Variants in CABLES1 observed in about 807,000 individuals in gnomAD.
The protein encoded by CABLES1 is CDK5 and ABL1 enzyme substrate 1.
A neutral mutation model predicts 57.8 loss-of-function variants in CABLES1; 36 were observed. That is an observed-to-expected ratio of 0.62 (90% CI 0.48 to 0.82). The LOEUF (loss-of-function observed/expected upper bound fraction) is 0.82, where lower values mean the gene tolerates loss of function less well. CABLES1 is among the 40% of genes least tolerant of loss of function. The probability of loss-of-function intolerance (pLI) is 0.00; values close to 1 mark genes in which losing one functional copy is unlikely to be tolerated. For synonymous variants in CABLES1, 374 were observed against 363.0 expected (o/e 1.03, Z -0.35); for missense variants, 767 against 836.6 (o/e 0.92, Z 1.03).
intron 4 of CABLES1, among the ~76,000 whole-genome samples, chr18:23,217,940 T>C (rs2047454205): frequency 6.6e-6 from 1 of 152,204 alleles, no homozygotes; most frequent in Admixed American, 6.5e-5. Flanking sequence ...ACACCGGAAT[T>C]TGGGACCCGG....
intron 1 of CABLES1, chr18:23,155,956 A>C: frequency 6.2e-7 from 1 of 1,614,090 alleles, no homozygotes; most frequent in East Asian, 2.2e-5. Context: ...TTCCCATGTA[A>C]GTTGTCAGAG....
chr18:23,135,767 C>T lies in CABLES1; in HGVS notation c.5C>T (p.Ala2Val). 1.0e-6 allele frequency: 1 copy of T among 968,058 alleles called. No individual in the cohort carries two copies. Among genetic ancestry groups the T allele is most frequent in the Non-Finnish European group, 1.2e-6 (1 of 815,802 alleles). The allele number at this position is 968,058 out of a possible 1,614,324, so 60.0% of individuals were successfully genotyped here. A position where few individuals can be genotyped will look rare whatever the true frequency, so the allele number is the denominator to read the frequency against. The stretch of plus-strand genomic sequence containing the variant: ...ATCCCGCCGCAGACGGACACAATGG[C>T]GGCGGCGGCGGCGGCCGCCACCACG... M[A>V]AAAAAATTAA... is the part of the protein sequence containing the mutation. The change falls in exon 1 of 10, where the codon GCG becomes GTG. Residue 2 changes from alanine (A) to valine (V), a missense_variant. Physicochemically the swap from Ala to Val is moderately conservative, Grantham distance 64. Transcript: ENST00000256925.
rs1192163641 is a variant in CABLES1 at position 23,252,946 on chromosome 18, CCT to C, written c.1447-13_1447-12del. 19 of 1,546,320 alleles carry C rather than the reference CCT, an allele frequency of 1.2e-5. 1 individual carries two copies. The highest frequency in any genetic ancestry group is 2.2e-5 in the East Asian group (1 of 44,566). On this transcript the variant is annotated splice_polypyrimidine_tract_variant and intron_variant, in intron 7 of 9. Transcript: ENST00000256925. ...TGTTTTAAGGAGTGATCCGTGTTCCCCTGTCTGTTACAGACAACAGTGATTGA... is the reference window on the plus strand; with the variant it reads ...TGTTTTAAGGAGTGATCCGTGTTCCCGTCTGTTACAGACAACAGTGATTGA...
At chr18:23,170,473 C>T (rs1025103826) in intron 1 of CABLES1, among the ~76,000 whole-genome samples, 2 of 152,178 alleles carry the variant, frequency 1.3e-5, no homozygotes, top group African/African-American at 4.8e-5. Flanking sequence ...GGTTCCAAGA[C>T]CACACACCCT....
At chr18:23,207,939 G>A (rs2047376151) in intron 3 of CABLES1, among the ~76,000 whole-genome samples, 1 of 152,172 alleles carries the variant, frequency 6.6e-6, no homozygotes, top group Admixed American at 6.5e-5. Flanking sequence ...GGGCTACTTA[G>A]CACAGATTCT....
chr18:23,156,015 C>G (rs937204768), intron 1 of CABLES1: 6 of 1,568,686 alleles, frequency 3.8e-6, no homozygotes, highest in South Asian at 2.2e-5. Context: ...TGGCTCCCCC[C>G]TTTGGATGCT....
At chr18:23,170,138 T>G (rs926593256) in intron 1 of CABLES1, among the ~76,000 whole-genome samples, 2 of 152,190 alleles carry the variant, frequency 1.3e-5, no homozygotes, top group Non-Finnish European at 2.9e-5. Context: ...GCCATGTGGA[T>G]GTACATATTG....
intron 1 of CABLES1, among the ~76,000 whole-genome samples, chr18:23,146,767 G>GTA (rs68146266): frequency 6.6e-6 from 1 of 151,564 alleles, no homozygotes; most frequent in South Asian, 2.1e-4. Flanking sequence ...GTCACTATGT[G>GTA]GTAGAGCTAG....
At chr18:23,204,593 A>G (rs1414461852) in intron 3 of CABLES1, 1 of 152,400 alleles carries the variant, frequency 6.6e-6, no homozygotes, top group Non-Finnish European at 1.5e-5. Context: ...AGACTGAGCA[A>G]TTCGTCTCTT....
chr18:23,136,700 C>T, intron 1 of CABLES1, 93 bp downstream of exon 1: 3 of 842,580 alleles, frequency 3.6e-6, no homozygotes, highest in Non-Finnish European at 4.9e-6. Flanking sequence ...ACACGGGTTG[C>T]TCCCATTTTC....
At chr18:23,223,149 C>G (rs959450642) in intron 4 of CABLES1, among the ~76,000 whole-genome samples, 5 of 152,186 alleles carry the variant, frequency 3.3e-5, no homozygotes, top group African/African-American at 1.2e-4. Flanking sequence ...TGGCTTTTGG[C>G]TGACAGGTTT....
chr18:23,170,142 C>T (rs2047072182), intron 1 of CABLES1, among the ~76,000 whole-genome samples: 1 of 152,178 alleles, frequency 6.6e-6, no homozygotes, highest in Non-Finnish European at 1.5e-5. Context: ...TGTGGATGTA[C>T]ATATTGTGTT....
chr18:23,183,415 C>T (rs1308145322), intron 1 of CABLES1, among the ~76,000 whole-genome samples: 3 of 152,192 alleles, frequency 2.0e-5, no homozygotes, highest in Admixed American at 6.5e-5. Context: ...ATTTGGTCCA[C>T]GTAGGAATAT....
At chr18:23,249,263 C>T (rs758152275) in intron 7 of CABLES1, among the ~76,000 whole-genome samples, 15 of 152,220 alleles carry the variant, frequency 9.9e-5, no homozygotes, top group Non-Finnish European at 1.5e-4. Context: ...GCTTTCCAGC[C>T]TCCGTAGCAC....
chr18:23,175,958 G>A (rs1451539035), intron 1 of CABLES1, among the ~76,000 whole-genome samples: 1 of 152,174 alleles, frequency 6.6e-6, no homozygotes, highest in Non-Finnish European at 1.5e-5. Context: ...AAAGAATAAA[G>A]TCAACCAATC....
At chr18:23,171,738 G>A (rs558260406) in intron 1 of CABLES1, among the ~76,000 whole-genome samples, 1 of 152,058 alleles carries the variant, frequency 6.6e-6, no homozygotes, top group East Asian at 1.9e-4. Flanking sequence ...CTGCTCATAG[G>A]TCACTCACCC....
chr18:23,215,849 G>C (rs1393801472), intron 4 of CABLES1, among the ~76,000 whole-genome samples: 1 of 151,882 alleles, frequency 6.6e-6, no homozygotes, highest in Non-Finnish European at 1.5e-5. Context: ...CGCCTCCCGG[G>C]TTCACGCCAT....
At chr18:23,177,416 T>TGTAC (rs1203981401) in intron 1 of CABLES1, among the ~76,000 whole-genome samples, 2 of 102,286 alleles carry the variant, frequency 2.0e-5, no homozygotes, top group Non-Finnish European at 3.8e-5. Context: ...TGAGCACATG[T>TGTAC]GTACACACAC....
At position 23,214,005 on chromosome 18, in the gene CABLES1, T is replaced by A. The variant is rs1295770297; in HGVS notation, c.1039T>A (p.Phe347Ile). Residue 347 changes from phenylalanine to isoleucine, a missense_variant, in exon 4 of 10, where the codon TTC becomes ATC. Around this residue, in one of 4 missense-constraint regions of CABLES1, gnomAD observed 529 missense variants for 622.8 expected, o/e 0.85. Coordinates refer to ENST00000256925, the MANE Select transcript of CABLES1 (RefSeq NM_001100619.3). ...RIVLISGRRS[F>I]CSIFSVLPYR... is the part of the protein sequence containing the mutation. Reference sequence around the variant, plus strand: ...AGTCCTTATCAGTGGCAGAAGATCCTTCTGTAGTATATTTTCAGTGCTGCC... The same window carrying A: ...AGTCCTTATCAGTGGCAGAAGATCCATCTGTAGTATATTTTCAGTGCTGCC... The A allele has an allele frequency of 1.4e-5, 23 of 1,612,684 alleles. No homozygotes were observed. Among genetic ancestry groups the A allele is most frequent in the African/African-American group, 2.7e-5 (2 of 74,904 alleles).
Sources: gnomAD v4.1 joint callset for allele counts (sites outside exome capture counted in the v4.1 genomes callset) on GRCh38, gnomAD v4.1.1 for gene constraint, gnomAD v4.1.1 regional missense constraint, MANE v1.5 for transcripts, NCBI Gene and HGNC (gene_info 2026-07-23, HGNC 2026-07-21) for gene names.